DYM: variants seen among roughly 807,000 people sequenced by gnomAD.
The protein encoded by DYM is dymeclin.
Under a neutral mutation model 93.1 loss-of-function variants are expected in DYM, and 78 were observed. That is an observed-to-expected ratio of 0.84 (90% CI 0.70 to 1.01). The LOEUF is 1.01. Ranked by LOEUF, DYM falls within the 50% of genes least tolerant of loss-of-function variation. DYM has a pLI of 0.00. For missense variants in DYM, 789 were observed against 845.0 expected (o/e 0.93, Z 0.82); for synonymous variants, 321 against 319.7 (o/e 1.00, Z -0.04).
At chr18:49,417,141 G>A (rs777263070) in intron 2 of DYM, among the ~76,000 whole-genome samples, 1 of 152,144 alleles carries the variant, frequency 6.6e-6, no homozygotes, top group Admixed American at 6.6e-5. Context: ...AGGTGGTAGC[G>A]GTGGTGTTGG....
At chr18:49,143,785 C>T (rs1199171835) in intron 15 of DYM, among the ~76,000 whole-genome samples, 3 of 152,050 alleles carry the variant, frequency 2.0e-5, no homozygotes, top group Non-Finnish European at 4.4e-5. Flanking sequence ...TATACAAAGA[C>T]AGACAGGATA....
At chr18:49,240,193 C>G (rs1056148676) in intron 13 of DYM, among the ~76,000 whole-genome samples, 2 of 152,142 alleles carry the variant, frequency 1.3e-5, no homozygotes, top group Non-Finnish European at 1.5e-5. Flanking sequence ...ACACTGAACT[C>G]TGTAATACAG....
intron 14 of DYM, among the ~76,000 whole-genome samples, chr18:49,184,652 C>T (rs1045046819): frequency 7.2e-5 from 11 of 152,158 alleles, no homozygotes; most frequent in African/African-American, 2.7e-4. Flanking sequence ...GGGCAGGTCG[C>T]ATATACAACA....
chr18:49,135,844 A>G (rs1468245226), intron 15 of DYM, among the ~76,000 whole-genome samples: 1 of 152,260 alleles, frequency 6.6e-6, no homozygotes, highest in Non-Finnish European at 1.5e-5. Context: ...TATTATGTAT[A>G]TGTTTAAAAA....
intron 16 of DYM, among the ~76,000 whole-genome samples, chr18:49,098,038 A>G (rs955827161): frequency 4.6e-5 from 7 of 152,182 alleles, no homozygotes; most frequent in African/African-American, 1.7e-4. Context: ...ACCTATAATT[A>G]CTTTTGCTTC....
intron 13 of DYM, among the ~76,000 whole-genome samples, chr18:49,234,078 G>A (rs575658772): frequency 3.3e-5 from 5 of 152,178 alleles, no homozygotes; most frequent in South Asian, 4.1e-4. Context: ...GCAGTGAGCC[G>A]TGATCGCACC....
chr18:49,260,846 CCA>C (rs1198574178), intron 11 of DYM, among the ~76,000 whole-genome samples: 2 of 151,108 alleles, frequency 1.3e-5, no homozygotes, highest in East Asian at 3.9e-4. Context: ...CACCCATGTA[CCA>C]TCTCCGGGAG....
At chr18:49,169,771 G>C (rs2088416715) in intron 14 of DYM, among the ~76,000 whole-genome samples, 1 of 152,176 alleles carries the variant, frequency 6.6e-6, no homozygotes, top group Non-Finnish European at 1.5e-5. Flanking sequence ...TGTGGGCCAA[G>C]TGTATAAAAT....
intron 13 of DYM, among the ~76,000 whole-genome samples, chr18:49,224,219 A>G (rs1162869143): frequency 6.6e-6 from 1 of 152,114 alleles, no homozygotes; most frequent in Admixed American, 6.6e-5. Context: ...AGGCGGCAAC[A>G]GAGGAAGAGG....
intron 14 of DYM, among the ~76,000 whole-genome samples, chr18:49,165,027 G>A (rs1346913652): frequency 6.6e-6 from 1 of 152,092 alleles, no homozygotes; most frequent in Admixed American, 6.6e-5. Flanking sequence ...CAGTTTAAAA[G>A]AGACACATTT....
chr18:49,370,664 G>A, intron 5 of DYM, among the ~76,000 whole-genome samples: 1 of 152,170 alleles, frequency 6.6e-6, no homozygotes. Flanking sequence ...CTACTCGGGA[G>A]GCTAAGGCAG....
chr18:49,052,555 A>G (rs2075113765), intron 17 of DYM, among the ~76,000 whole-genome samples: 1 of 152,260 alleles, frequency 6.6e-6, no homozygotes, highest in South Asian at 2.1e-4. Context: ...TGTAGAGAAC[A>G]ATGATGCCAT....
At chr18:49,095,650 C>G (rs2079476901) in intron 17 of DYM, among the ~76,000 whole-genome samples, 1 of 152,012 alleles carries the variant, frequency 6.6e-6, no homozygotes, top group Non-Finnish European at 1.5e-5. Context: ...TTGCCTGGGA[C>G]CCACCATAGA....
intron 6 of DYM, among the ~76,000 whole-genome samples, chr18:49,339,382 A>T (rs1008194533): frequency 6.6e-6 from 1 of 152,210 alleles, no homozygotes; most frequent in Non-Finnish European, 1.5e-5. Context: ...CACAGAATAC[A>T]ACAAAAGTGA....
intron 1 of DYM, among the ~76,000 whole-genome samples, chr18:49,432,329 CAAAA>C (rs11429840): frequency 1.3e-5 from 1 of 75,830 alleles, no homozygotes; most frequent in Non-Finnish European, 2.8e-5. Context: ...AAGACTGTCT[CAAAA>C]AAAAAAAAAA....
At chr18:49,176,555 C>T (rs936794698) in intron 14 of DYM, among the ~76,000 whole-genome samples, 3 of 149,846 alleles carry the variant, frequency 2.0e-5, no homozygotes, top group Non-Finnish European at 4.4e-5. Context: ...GGACAACAGG[C>T]ACGTGTCACC....
At chr18:49,234,127 T>A (rs1325738158) in intron 13 of DYM, among the ~76,000 whole-genome samples, 2 of 146,430 alleles carry the variant, frequency 1.4e-5, no homozygotes, top group Non-Finnish European at 3.0e-5. Context: ...AGACTCCACC[T>A]CAAAACAACA....
intron 17 of DYM, among the ~76,000 whole-genome samples, chr18:49,060,075 T>A (rs554192642): frequency 6.6e-6 from 1 of 152,202 alleles, no homozygotes; most frequent in South Asian, 2.1e-4. Flanking sequence ...CTTGGAGAGC[T>A]AAGATAAATG....
At chr18:49,313,462 CAAAAAAAAAAAAAAA>C (rs60775305) in intron 8 of DYM, among the ~76,000 whole-genome samples, 50 of 28,558 alleles carry the variant, frequency 1.8e-3, no homozygotes, top group South Asian at 5.3e-3. Context: ...GACTCTGTCA[CAAAAAAAAAAAAAAA>C]AAAAAAAAAA....
Sources: gnomAD v4.1 joint callset for allele counts (sites outside exome capture counted in the v4.1 genomes callset) on GRCh38, gnomAD v4.1.1 for gene constraint, MANE v1.5 for transcripts, NCBI Gene and HGNC (gene_info 2026-07-23, HGNC 2026-07-21) for gene names.